ADAM22: variants seen among roughly 807,000 people sequenced by gnomAD.
ADAM22 encodes disintegrin and metalloproteinase domain-containing protein 22.
Under a neutral mutation model 144.6 loss-of-function variants are expected in ADAM22, and 65 were observed. The ratio of observed to expected loss-of-function variants is 0.45; its 90% CI spans 0.37 to 0.55. The LOEUF (loss-of-function observed/expected upper bound fraction) is 0.55. Among genes scored for constraint, ADAM22 ranks in the 20% least tolerant of loss-of-function variants. The probability of loss-of-function intolerance (pLI) is 0.00; values close to 1 mark genes in which losing one functional copy is unlikely to be tolerated. For synonymous variants in ADAM22, 391 were observed against 412.6 expected, an observed-to-expected ratio of 0.95 and a Z score of 0.63; for missense variants, 974 against 1,184.9, an observed-to-expected ratio of 0.82 and a Z score of 2.61.
At chr7:88,059,879 A>T (rs965128946) in intron 3 of ADAM22, among the ~76,000 whole-genome samples, 1 of 152,110 alleles carries the variant, frequency 6.6e-6, no homozygotes. Context: ...GGAGAAAGGG[A>T]TGGGGACAAA....
intron 3 of ADAM22, among the ~76,000 whole-genome samples, chr7:88,043,273 C>T (rs1803621096): frequency 6.6e-6 from 1 of 151,898 alleles, no homozygotes; most frequent in South Asian, 2.1e-4. Context: ...ATCATGAGGT[C>T]AGGAGATCGA....
chr7:88,134,323 T>G lies in ADAM22; in HGVS notation c.1078-6T>G. On this transcript the variant is annotated splice_region_variant and splice_polypyrimidine_tract_variant and intron_variant, in intron 12 of 31. Transcript: ENST00000413139. Reference sequence around the variant, plus strand: ...CATATATTTTATTTTTGTTTTTGTTTTTCAGTTTGGGAAAACTGATTTAAT... The same window carrying G: ...CATATATTTTATTTTTGTTTTTGTTGTTCAGTTTGGGAAAACTGATTTAAT... The G allele has an allele frequency of 6.3e-7, 1 of 1,598,306 alleles. No homozygotes were observed. The highest frequency in any genetic ancestry group is 8.5e-7 in the Non-Finnish European group (1 of 1,173,640).
At chr7:88,092,470 A>T (rs959023018) in intron 4 of ADAM22, among the ~76,000 whole-genome samples, 1 of 152,180 alleles carries the variant, frequency 6.6e-6, no homozygotes, top group African/African-American at 2.4e-5. Flanking sequence ...TATGTTTCCT[A>T]ACTTTACTTT....
At chr7:88,074,849 T>G (rs150789503) in intron 3 of ADAM22, among the ~76,000 whole-genome samples, 151 of 152,354 alleles carry the variant, frequency 9.9e-4, no homozygotes, top group African/African-American at 3.5e-3. Context: ...AGTTTTAGTT[T>G]GATGACCTTC....
chr7:87,971,240 T>C (rs1850378753), intron 2 of ADAM22, among the ~76,000 whole-genome samples: 1 of 152,194 alleles, frequency 6.6e-6, no homozygotes, highest in Admixed American at 6.5e-5. Context: ...AAAATGCTCT[T>C]TAGAGTATTT....
chr7:88,182,134 G>T (rs1178269989), intron 29 of ADAM22, 110 bp downstream of exon 29: 1 of 1,000,552 alleles, frequency 1.0e-6, no homozygotes, highest in Non-Finnish European at 1.5e-6. Flanking sequence ...TCCGGTCTTG[G>T]TTTTGTCTTT....
intron 2 of ADAM22, among the ~76,000 whole-genome samples, chr7:87,976,447 C>T (rs2129448422): frequency 6.6e-6 from 1 of 152,286 alleles, no homozygotes; most frequent in South Asian, 2.1e-4. Context: ...GAGAAAATGG[C>T]CATTTCCAGG....
At chr7:87,984,989 C>G (rs549358226) in intron 3 of ADAM22, among the ~76,000 whole-genome samples, 2 of 151,670 alleles carry the variant, frequency 1.3e-5, no homozygotes, top group African/African-American at 4.9e-5. Context: ...ATATTTGTTG[C>G]ATACAATGAA....
chr7:87,944,564 C>G (rs1048047097), intron 2 of ADAM22, among the ~76,000 whole-genome samples: 1 of 151,934 alleles, frequency 6.6e-6, no homozygotes, highest in African/African-American at 2.4e-5. Flanking sequence ...GGAGAGGGAG[C>G]GAGGCGAGCA....
At chr7:88,049,975 A>G (rs1256792445) in intron 3 of ADAM22, among the ~76,000 whole-genome samples, 1 of 152,050 alleles carries the variant, frequency 6.6e-6, no homozygotes, top group African/African-American at 2.4e-5. Context: ...CAACTCAGAA[A>G]TCAAAGTACA....
intron 3 of ADAM22, among the ~76,000 whole-genome samples, chr7:88,014,514 G>A (rs940448847): frequency 6.6e-6 from 1 of 152,052 alleles, no homozygotes; most frequent in Admixed American, 6.6e-5. Context: ...AGGCTGAGGC[G>A]AGTAGAGCAC....
At chr7:88,012,523 A>T (rs1351754897) in intron 3 of ADAM22, among the ~76,000 whole-genome samples, 1 of 152,186 alleles carries the variant, frequency 6.6e-6, no homozygotes, top group African/African-American at 2.4e-5. Flanking sequence ...CTTTAGCTGT[A>T]GGTGCCAGAA....
At chr7:87,987,076 A>G (rs1413391540) in intron 3 of ADAM22, among the ~76,000 whole-genome samples, 1 of 152,202 alleles carries the variant, frequency 6.6e-6, no homozygotes, top group East Asian at 1.9e-4. Context: ...TTTTTGCATA[A>G]ATCCCTAGAA....
chr7:88,146,705 A>G lies in ADAM22; in HGVS notation c.1485+1198A>G, dbSNP rs1836557423. ...ATTATTATCTTGATTTTTACAGTTA[A>G]GCAAACTCAGTCTCAAGGAAGTTAA... On this transcript the variant is annotated intron_variant, in intron 17 of 31. Transcript: ENST00000413139. 2.0e-5 allele frequency among the ~76,000 whole-genome samples: 3 copies of G among 152,226 alleles called. No homozygotes were observed. The South Asian group carries it at 6.2e-4, about 32-fold the overall frequency.
intron 5 of ADAM22, among the ~76,000 whole-genome samples, chr7:88,111,736 A>T (rs1367815483): frequency 2.6e-5 from 4 of 152,218 alleles, no homozygotes; most frequent in Non-Finnish European, 2.9e-5. Flanking sequence ...CAATATAAAA[A>T]TTAGGATTTA....
intron 3 of ADAM22, among the ~76,000 whole-genome samples, chr7:88,026,494 C>A (rs1222229530): frequency 6.6e-6 from 1 of 152,176 alleles, no homozygotes; most frequent in Non-Finnish European, 1.5e-5. Context: ...CTGGGAATTA[C>A]AAATTGACAT....
chr7:88,029,592 C>T (rs1412992905), intron 3 of ADAM22, among the ~76,000 whole-genome samples: 1 of 151,926 alleles, frequency 6.6e-6, no homozygotes, highest in African/African-American at 2.4e-5. Flanking sequence ...TGATTTTTTG[C>T]TGCTCATTAA....
At chr7:88,066,461 A>G (rs894516225) in intron 3 of ADAM22, among the ~76,000 whole-genome samples, 1 of 152,134 alleles carries the variant, frequency 6.6e-6, no homozygotes, top group African/African-American at 2.4e-5. Context: ...TCAGGAGCCC[A>G]AGTTTGGACA....
intron 14 of ADAM22, 44 bp downstream of exon 14, chr7:88,136,075 G>C: frequency 6.4e-7 from 1 of 1,561,210 alleles, no homozygotes; most frequent in Middle Eastern, 1.7e-4. Context: ...TACATTCCCT[G>C]CTGTGCTGTT....
Sources: gnomAD v4.1 joint callset for allele counts (sites outside exome capture counted in the v4.1 genomes callset) on GRCh38, gnomAD v4.1.1 for gene constraint, MANE v1.5 for transcripts, NCBI Gene and HGNC (gene_info 2026-07-23, HGNC 2026-07-21) for gene names.